The following TCERG1L variants were observed in gnomAD, a reference collection of about 807,000 sequenced individuals.
TCERG1L encodes transcription elongation regulator 1-like protein.
In TCERG1L, 37 loss-of-function variants were observed where a neutral mutation model predicts 56.3. That is an observed-to-expected ratio of 0.66 (90% CI 0.51 to 0.87). TCERG1L has a LOEUF of 0.87. Ranked by LOEUF, TCERG1L falls within the 40% of genes least tolerant of loss-of-function variation. The pLI, the probability that TCERG1L is intolerant of heterozygous loss-of-function variation, is 0.00. For synonymous variants in TCERG1L, 324 were observed against 326.3 expected, an observed-to-expected ratio of 0.99 and a Z score of 0.08; for missense variants, 799 against 774.2, an observed-to-expected ratio of 1.03 and a Z score of -0.38.
At chr10:131,201,273 C>A (rs1845431394) in intron 4 of TCERG1L, among the ~76,000 whole-genome samples, 1 of 152,224 alleles carries the variant, frequency 6.6e-6, no homozygotes, top group Non-Finnish European at 1.5e-5. Context: ...CTTCCCCCAG[C>A]TGGGTCCTGC....
At position 131,116,829 on chromosome 10, in the gene TCERG1L, G is replaced by A. The variant is rs1845463761; in HGVS notation, c.1365C>T (p.Thr455=). The change falls in exon 9 of 12, where the codon ACC becomes ACT. Residue 455 remains threonine, a synonymous_variant. Transcript: ENST00000368642. ...TCTCCAGCAGCATGTCTCGGAAGTGGGTCACACGCTCCTCCAGAGGCAGGA... is the reference window on the plus strand; with the variant it reads ...TCTCCAGCAGCATGTCTCGGAAGTGAGTCACACGCTCCTCCAGAGGCAGGA... ...QILLPLEERV[T]HFRDMLLERG... 3.2e-6 allele frequency: 5 copies of A among 1,573,484 alleles called. No individual in the cohort carries two copies. In the African/African-American group the frequency reaches 6.8e-5, roughly 21 times the overall value.
chr10:131,159,288 A>T (rs1399506497), intron 6 of TCERG1L, among the ~76,000 whole-genome samples: 1 of 152,142 alleles, frequency 6.6e-6, no homozygotes, highest in Non-Finnish European at 1.5e-5. Context: ...CAGGGCTGAG[A>T]TGAAGACCAA....
intron 4 of TCERG1L, among the ~76,000 whole-genome samples, chr10:131,217,283 A>G (rs1003169218): frequency 2.6e-5 from 4 of 152,024 alleles, no homozygotes; most frequent in Non-Finnish European, 5.9e-5. Flanking sequence ...TTCCTGCTCC[A>G]GTCATGTAGG....
chr10:131,263,856 A>G (rs1846257612), intron 3 of TCERG1L, among the ~76,000 whole-genome samples: 1 of 152,150 alleles, frequency 6.6e-6, no homozygotes, highest in Non-Finnish European at 1.5e-5. Flanking sequence ...AGCTGTTTCC[A>G]CTGGAATTTA....
intron 4 of TCERG1L, among the ~76,000 whole-genome samples, chr10:131,184,410 G>A (rs1845215311): frequency 6.6e-6 from 1 of 152,234 alleles, no homozygotes; most frequent in African/African-American, 2.4e-5. Flanking sequence ...CGCTGGAGGA[G>A]ATAAATGGGC....
At chr10:131,150,765 G>A (rs775748636) in intron 6 of TCERG1L, among the ~76,000 whole-genome samples, 8 of 152,208 alleles carry the variant, frequency 5.3e-5, no homozygotes, top group Non-Finnish European at 1.0e-4. Flanking sequence ...GCAGGTCAGT[G>A]GCTGTATGAG....
At chr10:131,242,486 C>T (rs570014611) in intron 4 of TCERG1L, among the ~76,000 whole-genome samples, 1 of 152,068 alleles carries the variant, frequency 6.6e-6, no homozygotes, top group Non-Finnish European at 1.5e-5. Context: ...GGTCAAGGTG[C>T]GGGTTTCACT....
intron 3 of TCERG1L, among the ~76,000 whole-genome samples, chr10:131,273,213 C>T (rs1846357020): frequency 6.6e-6 from 1 of 151,816 alleles, no homozygotes; most frequent in Non-Finnish European, 1.5e-5. Context: ...CCCGTGTAGA[C>T]AGCCTGGGAC....
At chr10:131,173,582 TC>T (rs1846114956) in intron 4 of TCERG1L, among the ~76,000 whole-genome samples, 1 of 152,214 alleles carries the variant, frequency 6.6e-6, no homozygotes, top group African/African-American at 2.4e-5. Flanking sequence ...CTGCGTGCCA[TC>T]TTCATGCTGA....
intron 11 of TCERG1L, among the ~76,000 whole-genome samples, chr10:131,093,644 A>G (rs996308137): frequency 1.3e-5 from 2 of 152,100 alleles, no homozygotes; most frequent in Admixed American, 1.3e-4. Flanking sequence ...TTTGCTGGCC[A>G]GGTCTCCTCC....
chr10:131,241,963 T>C (rs539766184), intron 4 of TCERG1L, among the ~76,000 whole-genome samples: 112 of 152,268 alleles, frequency 7.4e-4, no homozygotes, highest in African/African-American at 2.5e-3. Flanking sequence ...GGTCAGATTT[T>C]AAAAGGTAGT....
intron 3 of TCERG1L, among the ~76,000 whole-genome samples, chr10:131,285,238 T>C (rs184308078): frequency 2.0e-5 from 3 of 151,328 alleles, no homozygotes; most frequent in Non-Finnish European, 4.4e-5. Context: ...ATTAGCCAGG[T>C]GTGGTGGCTC....
chr10:131,160,073 C>A (rs1357033413), intron 6 of TCERG1L, among the ~76,000 whole-genome samples: 1 of 152,164 alleles, frequency 6.6e-6, no homozygotes, highest in African/African-American at 2.4e-5. Context: ...ACCTCTCCCT[C>A]CCTCTATGGT....
At chr10:131,228,544 A>C (rs538318531) in intron 4 of TCERG1L, among the ~76,000 whole-genome samples, 12 of 25,304 alleles carry the variant, frequency 4.7e-4, no homozygotes, top group Non-Finnish European at 5.7e-4. Context: ...TCAAGGCCTC[A>C]CGAGTCTCCC....
intron 9 of TCERG1L, among the ~76,000 whole-genome samples, chr10:131,113,572 G>A (rs1047235950): frequency 1.4e-5 from 2 of 142,386 alleles, no homozygotes; most frequent in Admixed American, 6.9e-5. Flanking sequence ...AGGAGAAATC[G>A]TCACAGCGAA....
chr10:131,134,573 A>G (rs1317209148), intron 7 of TCERG1L, 125 bp from the exon 8 acceptor site: 1 of 713,432 alleles, frequency 1.4e-6, no homozygotes, highest in African/African-American at 1.8e-5. Context: ...TCTCTTAAAG[A>G]TTGATGTGAA....
chr10:131,227,583 C>T (rs960101961), intron 4 of TCERG1L, among the ~76,000 whole-genome samples: 3 of 152,222 alleles, frequency 2.0e-5, no homozygotes, highest in Non-Finnish European at 2.9e-5. Flanking sequence ...CCAGCCCATG[C>T]GCCTGCATCC....
chr10:131,131,590 CG>C (rs1845618526), intron 8 of TCERG1L, among the ~76,000 whole-genome samples: 2 of 152,240 alleles, frequency 1.3e-5, no homozygotes, highest in South Asian at 4.2e-4. Flanking sequence ...ATTTCTCCTC[CG>C]AGAGAATTTC....
intron 4 of TCERG1L, among the ~76,000 whole-genome samples, chr10:131,250,160 C>T (rs1846091826): frequency 6.6e-6 from 1 of 152,328 alleles, no homozygotes; most frequent in South Asian, 2.1e-4. Context: ...GCCCACCTCG[C>T]TCCCCTGCAG....
Sources: allele counts gnomAD v4.1 joint callset (sites outside exome capture counted in the v4.1 genomes callset), GRCh38; gene constraint gnomAD v4.1.1; transcripts MANE v1.5; gene names NCBI Gene and HGNC (gene_info 2026-07-23, HGNC 2026-07-21).